The following UBAC2 variants were observed in gnomAD, a reference collection of about 807,000 sequenced individuals.
The protein encoded by UBAC2 is UBA domain containing 2, also known as ubiquitin-associated domain-containing protein 2.
Under a neutral mutation model 44.0 loss-of-function variants are expected in UBAC2, and 26 were observed. The ratio of observed to expected loss-of-function variants is 0.59; its 90% CI spans 0.43 to 0.82. UBAC2 has a LOEUF of 0.82. Ranked by LOEUF, UBAC2 falls within the 40% of genes least tolerant of loss-of-function variation. The probability of loss-of-function intolerance (pLI) is 0.00; values close to 1 mark genes in which losing one functional copy is unlikely to be tolerated. For synonymous variants in UBAC2, 155 were observed against 154.3 expected (o/e 1.00, Z -0.04); for missense variants, 329 against 419.4 (o/e 0.78, Z 1.88).
chr13:99,341,568 G>T (rs2044889133), intron 7 of UBAC2, among the ~76,000 whole-genome samples: 1 of 152,158 alleles, frequency 6.6e-6, no homozygotes, highest in East Asian at 1.9e-4. Context: ...CTGGAGGATG[G>T]ACATCTCTGT....
At chr13:99,322,979 T>C (rs1376188894) in intron 6 of UBAC2, among the ~76,000 whole-genome samples, 1 of 152,108 alleles carries the variant, frequency 6.6e-6, no homozygotes, top group Non-Finnish European at 1.5e-5. Context: ...AAAGTAACTG[T>C]GAACAAATGG....
At chr13:99,207,114 G>T (rs1593993258) in intron 1 of UBAC2, among the ~76,000 whole-genome samples, 2 of 152,210 alleles carry the variant, frequency 1.3e-5, no homozygotes, top group African/African-American at 2.4e-5. Flanking sequence ...TCTCCTGCGG[G>T]TGCCTTAGTG....
intron 4 of UBAC2, among the ~76,000 whole-genome samples, chr13:99,282,517 A>G (rs1273581099): frequency 1.3e-5 from 2 of 152,184 alleles, no homozygotes; most frequent in African/African-American, 2.4e-5. Flanking sequence ...GGGACTTCAA[A>G]CATTTGAGTG....
At chr13:99,371,215 G>A (rs7332161) in intron 8 of UBAC2, among the ~76,000 whole-genome samples, 20,202 of 152,024 alleles carry the variant, frequency 0.13, 1,574 homozygotes, top group East Asian at 0.32. Context: ...CAACAGCGAG[G>A]TTACTTCTTG....
intron 7 of UBAC2, among the ~76,000 whole-genome samples, chr13:99,342,603 G>A (rs1210621966): frequency 2.6e-5 from 4 of 152,144 alleles, no homozygotes; most frequent in Non-Finnish European, 4.4e-5. Flanking sequence ...ATCCATTCGT[G>A]TGCCAGCGCT....
At chr13:99,368,917 A>G (rs889740595) in intron 8 of UBAC2, among the ~76,000 whole-genome samples, 2 of 152,000 alleles carry the variant, frequency 1.3e-5, no homozygotes, top group Non-Finnish European at 2.9e-5. Context: ...ATCGTGTGCC[A>G]GGAAAGTAAG....
intron 8 of UBAC2, among the ~76,000 whole-genome samples, chr13:99,369,004 G>C (rs1240771351): frequency 6.6e-6 from 1 of 152,146 alleles, no homozygotes; most frequent in Admixed American, 6.5e-5. Flanking sequence ...CACATCTAGG[G>C]CATCGGCTTG....
intron 8 of UBAC2, among the ~76,000 whole-genome samples, chr13:99,379,761 G>A (rs2045526216): frequency 1.3e-5 from 2 of 152,188 alleles, no homozygotes; most frequent in South Asian, 2.1e-4. Context: ...CCTGTAAGAC[G>A]TTTCACACTT....
intron 4 of UBAC2, among the ~76,000 whole-genome samples, chr13:99,263,385 G>A (rs779623454): frequency 1.3e-5 from 2 of 152,164 alleles, no homozygotes; most frequent in Non-Finnish European, 2.9e-5. Flanking sequence ...GATCCAAATG[G>A]TCAGCAACAT....
At chr13:99,208,904 T>G (rs2042907172) in intron 1 of UBAC2, among the ~76,000 whole-genome samples, 1 of 152,266 alleles carries the variant, frequency 6.6e-6, no homozygotes, top group African/African-American at 2.4e-5. Flanking sequence ...ATCTTTATTT[T>G]GGTCGATTTA....
At chr13:99,265,786 G>A (rs576178701) in intron 4 of UBAC2, among the ~76,000 whole-genome samples, 1 of 152,290 alleles carries the variant, frequency 6.6e-6, no homozygotes, top group East Asian at 1.9e-4. Flanking sequence ...AATGTTTCTA[G>A]GTAGATACAA....
intron 1 of UBAC2, chr13:99,215,468 AT>A: frequency 7.2e-7 from 1 of 1,397,524 alleles, no homozygotes; most frequent in Non-Finnish European, 1.0e-6. Context: ...TGAGAATCCA[AT>A]TCTTCATCTG....
In UBAC2 at chr13:99,200,925, G is replaced by A; in HGVS notation, c.17G>A (p.Gly6Asp). The stretch of plus-strand genomic sequence containing the variant: ...GGCGGGACCATGTTCACCAGCACCG[G>A]CTCCAGTGGGCTCTGTGAGTACCGG... The part of the protein sequence containing the change: MFTST[G>D]SSGLYKAPLS... Residue 6 changes from glycine (G) to aspartate (D), a missense_variant, in exon 1 of 9, where the codon GGC becomes GAC. Gly to Asp is a moderately conservative substitution (Grantham distance 94). Transcript: ENST00000403766. The A allele has an allele frequency of 7.7e-7, 1 of 1,304,982 alleles. No homozygotes were observed. Among genetic ancestry groups the A allele is most frequent in the Non-Finnish European group, 9.8e-7 (1 of 1,018,682 alleles). The allele number at this position is 1,304,982 out of a possible 1,614,324, so 80.8% of individuals were successfully genotyped here.
rs547952979 is a variant in UBAC2 at position 99,257,550 on chromosome 13, G to GA, written c.389+12934dup. ...TACTTATATTCATTTGCTGACGTTT[G>GA]AAAAAAAATGAGTGATGCATGTGTT... On this transcript the variant is annotated intron_variant, in intron 4 of 8. Coordinates refer to ENST00000403766, the MANE Select transcript of UBAC2 (RefSeq NM_001144072.2). 2.4e-4 allele frequency among the ~76,000 whole-genome samples: 36 copies of GA among 151,554 alleles called. No homozygotes were observed. The South Asian group carries it at 7.1e-3, about 30-fold the overall frequency.
In UBAC2 at chr13:99,215,355, A is replaced by G. The variant is rs1232921018; in HGVS notation, c.31+14416A>G. 2.3e-5 allele frequency: 21 copies of G among 917,062 alleles called. No individual in the cohort carries two copies. In the East Asian group the frequency reaches 4.8e-4, roughly 21 times the overall value. The allele number at this position is 917,062 out of a possible 1,614,324, so 56.8% of individuals were successfully genotyped here. On this transcript the variant is annotated intron_variant, in intron 1 of 8. Transcript: ENST00000403766. ...TTTTATTTAGAGTCCTGAGATAACA[A>G]GGAATCCAGGCATACATTAGACAGT...
intron 3 of UBAC2, 103 bp downstream of exon 3, chr13:99,244,054 C>G: frequency 1.0e-6 from 1 of 975,954 alleles, no homozygotes. Flanking sequence ...TTACAGTTAT[C>G]TTTTTAATTA....
chr13:99,304,511 G>A (rs1179403330), intron 4 of UBAC2, among the ~76,000 whole-genome samples: 1 of 152,266 alleles, frequency 6.6e-6, no homozygotes, highest in East Asian at 1.9e-4. Flanking sequence ...ATGTATGATC[G>A]ATATTCAATA....
chr13:99,310,303 G>T (rs1030752874), intron 4 of UBAC2, among the ~76,000 whole-genome samples: 6 of 152,176 alleles, frequency 3.9e-5, no homozygotes, highest in African/African-American at 1.4e-4. Flanking sequence ...CTCTACTCCA[G>T]CCTGGGTGAC....
chr13:99,346,435 G>C (rs1229317269), intron 7 of UBAC2, among the ~76,000 whole-genome samples: 1 of 152,216 alleles, frequency 6.6e-6, no homozygotes, highest in African/African-American at 2.4e-5. Context: ...TCCAACACAA[G>C]GCTCCTGCCT....
Sources: gnomAD v4.1 joint callset for allele counts (sites outside exome capture counted in the v4.1 genomes callset) on GRCh38, gnomAD v4.1.1 for gene constraint, MANE v1.5 for transcripts, NCBI Gene and HGNC (gene_info 2026-07-23, HGNC 2026-07-21) for gene names.